The following SLC16A14 variants were observed in gnomAD, a reference collection of about 807,000 sequenced individuals.
SLC16A14 encodes solute carrier family 16 member 14.
A neutral mutation model predicts 35.8 loss-of-function variants in SLC16A14; 14 were observed. The observed-to-expected ratio is 0.39, with a 90% CI of 0.26 to 0.61. The LOEUF (loss-of-function observed/expected upper bound fraction) is 0.61, where lower values mean the gene tolerates loss of function less well. Ranked by LOEUF, SLC16A14 falls within the 20% of genes least tolerant of loss-of-function variation. The probability of loss-of-function intolerance (pLI) is 0.51; values close to 1 mark genes in which losing one functional copy is unlikely to be tolerated. For missense variants in SLC16A14, 533 were observed against 655.0 expected (o/e 0.81, Z 2.03); for synonymous variants, 248 against 258.9 (o/e 0.96, Z 0.40).
rs529380018 is a variant in SLC16A14, at chr2:230,055,783, CT to C, written c.259+3310del. Among the ~76,000 whole-genome samples, 17 of 152,202 alleles carry C rather than the reference CT, an allele frequency of 1.1e-4. No individual in the cohort carries two copies. In the East Asian group the frequency reaches 3.3e-3, roughly 29 times the overall value. ...TTCATATCCTGGCCTTCTTCTGAGT[CT>C]TTTTTTGATGTTACTGCGTGCATAC... On this transcript the variant is annotated intron_variant, in intron 2 of 4. Coordinates refer to ENST00000295190, the MANE Select transcript of SLC16A14 (RefSeq NM_152527.5).
intron 4 of SLC16A14, among the ~76,000 whole-genome samples, chr2:230,039,210 C>A (rs761053296): frequency 6.6e-6 from 1 of 150,580 alleles, no homozygotes; most frequent in Non-Finnish European, 1.5e-5. Context: ...CAATAGCATA[C>A]AAATTTATAA....
chr2:230,061,237 A>C (rs2077749893), intron 1 of SLC16A14, among the ~76,000 whole-genome samples: 1 of 152,238 alleles, frequency 6.6e-6, no homozygotes, highest in African/African-American at 2.4e-5. Context: ...TACACTGAAA[A>C]AATGTTTAGC....
At chr2:230,058,464 AGTAGAGTG>A (rs2077724881) in intron 2 of SLC16A14, 2 of 152,314 alleles carry the variant, frequency 1.3e-5, no homozygotes, top group Middle Eastern at 3.4e-3. Flanking sequence ...AGAGACAGAC[AGTAGAGTG>A]GTGGTGGCCA....
intron 4 of SLC16A14, among the ~76,000 whole-genome samples, chr2:230,037,917 A>C (rs764604946): frequency 3.3e-5 from 5 of 152,174 alleles, no homozygotes; most frequent in Non-Finnish European, 5.9e-5. Context: ...TTCTTTTTTC[A>C]CAAGTGCAAA....
At chr2:230,060,761 G>A (rs763815132) in intron 1 of SLC16A14, among the ~76,000 whole-genome samples, 5 of 151,962 alleles carry the variant, frequency 3.3e-5, no homozygotes, top group Admixed American at 2.0e-4. Context: ...TGGAGAGAGA[G>A]AGATATTATG....
intron 1 of SLC16A14, among the ~76,000 whole-genome samples, chr2:230,067,571 TCACA>T (rs1553822791): frequency 4.2e-5 from 6 of 143,718 alleles, no homozygotes; most frequent in African/African-American, 1.4e-4. Context: ...TCTCTCTCTC[TCACA>T]CACACACACA....
intron 1 of SLC16A14, chr2:230,066,801 A>G (rs1022125651): frequency 6.4e-6 from 2 of 312,878 alleles, no homozygotes; most frequent in Non-Finnish European, 1.2e-5. Flanking sequence ...CATCTTTAGT[A>G]TCTTTAGTAG....
chr2:230,045,041 T>C (rs1179169694), intron 4 of SLC16A14, among the ~76,000 whole-genome samples: 1 of 152,138 alleles, frequency 6.6e-6, no homozygotes, highest in Admixed American at 6.5e-5. Flanking sequence ...GATTCTTAGC[T>C]TCCCTTGGGG....
intron 1 of SLC16A14, among the ~76,000 whole-genome samples, chr2:230,065,815 T>C (rs2077790773): frequency 6.6e-6 from 1 of 152,010 alleles, no homozygotes; most frequent in African/African-American, 2.4e-5. Context: ...TAAGAATAAT[T>C]TTAGTATTAT....
rs1392210115 is a variant in SLC16A14 at position 230,045,963 on chromosome 2, GCCAACAGGAAGACATT to G, written c.1147_1162del (p.Asn383ProfsTer14). ...AATACTGAGGACAAGGGTGAAGTTG[GCCAACAGGAAGACATT>G]CCAAACACTAATGCAAGGCAAGTCG... is the stretch of plus-strand genomic sequence containing the variant. On this transcript the variant is annotated frameshift_variant, in exon 4 of 5. Transcript: ENST00000295190. LOFTEE classifies it high-confidence loss of function. 1 of 1,613,098 alleles carries G rather than the reference GCCAACAGGAAGACATT, an allele frequency of 6.2e-7. No homozygotes were observed. The highest frequency in any genetic ancestry group is 8.5e-7 in the Non-Finnish European group (1 of 1,179,172).
At chr2:230,051,707 G>T (rs1467781289) in intron 2 of SLC16A14, among the ~76,000 whole-genome samples, 3 of 152,110 alleles carry the variant, frequency 2.0e-5, no homozygotes, top group African/African-American at 7.2e-5. Flanking sequence ...TGTTTAAAGA[G>T]CTTCCCTTTT....
At position 230,035,197 on chromosome 2, in the gene SLC16A14, T is replaced by C. The variant is rs532923785; in HGVS notation, c.*2183A>G. The C allele has an allele frequency of 7.9e-5, 12 of 152,316 alleles. No homozygotes were observed. The highest frequency in any genetic ancestry group is 2.9e-4 in the African/African-American group (12 of 41,524). The allele number at this position is 152,316 out of a possible 1,614,324, so 9.4% of individuals were successfully genotyped here. On this transcript the variant is annotated 3_prime_UTR_variant, in exon 5 of 5. Transcript: ENST00000295190. ...CATGAATACTGCAAGCAGGTCTTTA[T>C]TTTTTTTGACAATGGGAACTTCCAC...
chr2:230,054,896 GA>G (rs200730244), intron 2 of SLC16A14, among the ~76,000 whole-genome samples: 1,150 of 92,928 alleles, frequency 0.012, 7 homozygotes, highest in African/African-American at 0.022. Context: ...CTCCATCTCA[GA>G]AAAAAAAAAA....
At chr2:230,060,876 T>TA (rs2077747163) in intron 1 of SLC16A14, among the ~76,000 whole-genome samples, 1 of 112,170 alleles carries the variant, frequency 8.9e-6, no homozygotes, top group Non-Finnish European at 2.0e-5. Flanking sequence ...GAACCTATGA[T>TA]GGTAGTGGGA....
intron 4 of SLC16A14, chr2:230,045,539 G>A (rs1263185769): frequency 1.2e-5 from 7 of 583,364 alleles, no homozygotes; most frequent in Middle Eastern, 4.4e-4. Flanking sequence ...CAGCTGGGGC[G>A]ATAGAGCGAG....
Position 230,035,200 on chromosome 2 carries a change from T to G in SLC16A14, c.*2180A>C, listed in dbSNP as rs929860701. Reference sequence around the variant, plus strand: ...GAATACTGCAAGCAGGTCTTTATTTTTTTTGACAATGGGAACTTCCACTCA... The same window carrying G: ...GAATACTGCAAGCAGGTCTTTATTTGTTTTGACAATGGGAACTTCCACTCA... On this transcript the variant is annotated 3_prime_UTR_variant, in exon 5 of 5. Transcript: ENST00000295190. 6.6e-6 allele frequency: 1 copy of G among 152,438 alleles called. No individual in the cohort carries two copies. Among genetic ancestry groups the G allele is most frequent in the African/African-American group, 2.4e-5 (1 of 41,464 alleles). 9.4% of individuals were successfully genotyped at this position (152,438 alleles called of 1,614,324 possible).
chr2:230,052,082 G>A (rs1245902142), intron 2 of SLC16A14, among the ~76,000 whole-genome samples: 4 of 151,794 alleles, frequency 2.6e-5, no homozygotes, highest in African/African-American at 9.7e-5. Flanking sequence ...GACTACAGGC[G>A]CACGCCACCA....
intron 2 of SLC16A14, among the ~76,000 whole-genome samples, chr2:230,057,175 G>A (rs2077712416): frequency 6.6e-6 from 1 of 152,168 alleles, no homozygotes; most frequent in African/African-American, 2.4e-5. Flanking sequence ...GGTTATCTCA[G>A]AGCATTGTTA....
chr2:230,054,456 T>C (rs35963873), intron 2 of SLC16A14, among the ~76,000 whole-genome samples: 1 of 152,080 alleles, frequency 6.6e-6, no homozygotes. Context: ...ATTTACTGAG[T>C]GTGAGATGAA....
Sources: gnomAD v4.1 joint callset for allele counts (sites outside exome capture counted in the v4.1 genomes callset) on GRCh38, gnomAD v4.1.1 for gene constraint, MANE v1.5 for transcripts, NCBI Gene and HGNC (gene_info 2026-07-23, HGNC 2026-07-21) for gene names.